TRDN: variants seen among roughly 807,000 people sequenced by gnomAD.
TRDN encodes the protein triadin in skeletal muscle.
A neutral mutation model predicts 149.7 loss-of-function variants in TRDN; 161 were observed. The ratio of observed to expected loss-of-function variants is 1.08; its 90% CI spans 0.95 to 1.23. The LOEUF (loss-of-function observed/expected upper bound fraction) is 1.23. Among genes scored for constraint, TRDN ranks in the 50% most tolerant of loss-of-function variants. The pLI, the probability that TRDN is intolerant of heterozygous loss-of-function variation, is 0.00. For missense variants in TRDN, 896 were observed against 823.5 expected, an observed-to-expected ratio of 1.09 and a Z score of -1.08; for synonymous variants, 294 against 250.5, an observed-to-expected ratio of 1.17 and a Z score of -1.64.
intron 13 of TRDN, 37 bp from the exon 14 acceptor site, chr6:123,388,588 G>A (rs772617874): frequency 8.5e-5 from 133 of 1,567,756 alleles, no homozygotes; most frequent in Non-Finnish European, 1.1e-4. Flanking sequence ...CATATGAAAT[G>A]ACCATTCCTC....
chr6:123,447,557 T>C (rs1178182024), intron 10 of TRDN, among the ~76,000 whole-genome samples: 3 of 152,140 alleles, frequency 2.0e-5, no homozygotes, highest in Non-Finnish European at 4.4e-5. Flanking sequence ...TTATTATAAA[T>C]GCCAGCTGAA....
intron 1 of TRDN, among the ~76,000 whole-genome samples, chr6:123,615,387 G>A (rs1422361957): frequency 2.0e-5 from 3 of 152,134 alleles, no homozygotes; most frequent in African/African-American, 7.2e-5. Context: ...ACCAAGATAT[G>A]TAATCAACCT....
intron 14 of TRDN, among the ~76,000 whole-genome samples, chr6:123,384,703 A>G (rs1204451697): frequency 6.6e-6 from 1 of 152,206 alleles, no homozygotes; most frequent in East Asian, 1.9e-4. Context: ...ACACGATATG[A>G]AGTCCAGGGT....
At chr6:123,345,762 A>G (rs908786657) in intron 21 of TRDN, among the ~76,000 whole-genome samples, 3 of 152,028 alleles carry the variant, frequency 2.0e-5, no homozygotes, top group Non-Finnish European at 4.4e-5. Context: ...CAGGTCTTAT[A>G]CATAATTTAA....
intron 2 of TRDN, among the ~76,000 whole-genome samples, chr6:123,555,326 T>G (rs1021433242): frequency 1.3e-5 from 2 of 152,162 alleles, no homozygotes; most frequent in Admixed American, 6.5e-5. Flanking sequence ...TATTGCGTTC[T>G]TATTTTCTGT....
chr6:123,293,592 T>C (rs1201382595), intron 24 of TRDN, among the ~76,000 whole-genome samples: 9 of 152,046 alleles, frequency 5.9e-5, no homozygotes, highest in Admixed American at 5.9e-4. Flanking sequence ...AAAATAAAGA[T>C]TGTCCTGCCA....
rs545045720 is a variant in TRDN at position 123,550,325 on chromosome 6, C to T, written c.233-1713G>A. Among the ~76,000 whole-genome samples, 3 of 151,934 alleles carry T rather than the reference C, an allele frequency of 2.0e-5. No individual in the cohort carries two copies. In the East Asian group the frequency reaches 5.8e-4, roughly 29 times the overall value. On this transcript the variant is annotated intron_variant, in intron 2 of 40. Coordinates refer to ENST00000334268, the MANE Select transcript of TRDN (RefSeq NM_006073.4). The stretch of plus-strand genomic sequence containing the variant: ...GCAAGAAAGAGAGAGGGAGAAGGAA[C>T]CAAGAAAGTGTAATGCACCAGATAT...
intron 7 of TRDN, among the ~76,000 whole-genome samples, chr6:123,511,641 C>A (rs188020679): frequency 1.3e-5 from 2 of 152,102 alleles, no homozygotes; most frequent in East Asian, 1.9e-4. Flanking sequence ...TAAAATAACA[C>A]CCATTTATTA....
intron 24 of TRDN, among the ~76,000 whole-genome samples, chr6:123,297,768 G>T (rs540712155): frequency 1.3e-5 from 2 of 152,084 alleles, no homozygotes; most frequent in East Asian, 3.9e-4. Context: ...ATATGGAGAA[G>T]AATAGAATAT....
At position 123,271,038 on chromosome 6, in the gene TRDN, G is replaced by GTT. The variant is rs1777188067; in HGVS notation, c.1720+100_1720+101insAA. On this transcript the variant is annotated intron_variant, in intron 30 of 40. Coordinates refer to ENST00000334268, the MANE Select transcript of TRDN (RefSeq NM_006073.4). Reference sequence around the variant, plus strand: ...GAAAGCCTACACACTTCAGTGAAGGGCTGTGTGTGTGTGTGTGTGTGTGTG... The same window carrying GTT: ...GAAAGCCTACACACTTCAGTGAAGGGTTCTGTGTGTGTGTGTGTGTGTGTGTG... The GTT allele has an allele frequency of 3.4e-5, 10 of 293,562 alleles. No homozygotes were observed. The South Asian group carries it at 1.1e-3, about 33-fold the overall frequency. The allele number at this position is 293,562 out of a possible 1,614,324, so 18.2% of individuals were successfully genotyped here.
At chr6:123,621,733 G>A (rs1227788488) in intron 1 of TRDN, among the ~76,000 whole-genome samples, 1 of 152,052 alleles carries the variant, frequency 6.6e-6, no homozygotes, top group African/African-American at 2.4e-5. Context: ...GTTGTTTATC[G>A]ATGTTGAGGT....
chr6:123,491,857 C>T (rs1417464890), intron 9 of TRDN, among the ~76,000 whole-genome samples: 1 of 151,998 alleles, frequency 6.6e-6, no homozygotes, highest in Admixed American at 6.6e-5. Context: ...TTTCAGAAGT[C>T]TAAAGCAAAG....
intron 20 of TRDN, among the ~76,000 whole-genome samples, chr6:123,353,272 A>G (rs1320938898): frequency 6.6e-6 from 1 of 151,858 alleles, no homozygotes; most frequent in African/African-American, 2.4e-5. Flanking sequence ...TGAGGAACTG[A>G]TTATTGCTAT....
At chr6:123,362,979 C>T (rs1478125312) in intron 20 of TRDN, among the ~76,000 whole-genome samples, 1 of 151,926 alleles carries the variant, frequency 6.6e-6, no homozygotes, top group Non-Finnish European at 1.5e-5. Context: ...CTATGTATCT[C>T]CAAATAAAAT....
chr6:123,499,809 A>G (rs1392575978), intron 8 of TRDN, among the ~76,000 whole-genome samples: 1 of 144,878 alleles, frequency 6.9e-6, no homozygotes, highest in Non-Finnish European at 1.5e-5. Context: ...ATCATTATTT[A>G]CTAAACAATA....
At position 123,563,070 on chromosome 6, in the gene TRDN, T is replaced by C. The variant is rs140276321; in HGVS notation, c.232+7853A>G. ...GCACTTGTGTGGGACCTAATGAAAT[T>C]AAACACAAACATCCCTACTTACAAT... On this transcript the variant is annotated intron_variant, in intron 2 of 40. Coordinates refer to ENST00000334268, the MANE Select transcript of TRDN (RefSeq NM_006073.4). 1.2e-3 allele frequency among the ~76,000 whole-genome samples: 181 copies of C among 152,338 alleles called. 1 individual carries two copies. The highest frequency in any genetic ancestry group is 4.2e-3 in the African/African-American group (174 of 41,574).
At chr6:123,632,052 A>G (rs1786034129) in intron 1 of TRDN, among the ~76,000 whole-genome samples, 1 of 152,058 alleles carries the variant, frequency 6.6e-6, no homozygotes, top group African/African-American at 2.4e-5. Flanking sequence ...GAATTTTTTA[A>G]GGTTGTTTGT....
At chr6:123,538,928 T>A (rs1225994134) in intron 4 of TRDN, among the ~76,000 whole-genome samples, 14 of 152,212 alleles carry the variant, frequency 9.2e-5, no homozygotes, top group Admixed American at 9.2e-4. Context: ...TACAAATGAT[T>A]GCAAATAATA....
intron 8 of TRDN, among the ~76,000 whole-genome samples, chr6:123,501,074 CTG>C (rs140591765): frequency 4.2e-4 from 62 of 149,296 alleles, no homozygotes; most frequent in Non-Finnish European, 7.0e-4. Flanking sequence ...GTGTGTGTGT[CTG>C]TGTGTGTGTG....
Sources: allele counts gnomAD v4.1 joint callset (sites outside exome capture counted in the v4.1 genomes callset), GRCh38; gene constraint gnomAD v4.1.1; transcripts MANE v1.5; gene names NCBI Gene and HGNC (gene_info 2026-07-23, HGNC 2026-07-21).